The following SULT2A1 variants were observed in gnomAD, a reference collection of about 807,000 sequenced individuals.
SULT2A1 encodes sulfotransferase 2A1.
A neutral mutation model predicts 33.9 loss-of-function variants in SULT2A1; 43 were observed. That is an observed-to-expected ratio of 1.27 (90% CI 1.00 to 1.64). The LOEUF (loss-of-function observed/expected upper bound fraction) is 1.64, where lower values mean the gene tolerates loss of function less well. Among genes scored for constraint, SULT2A1 ranks in the 40% most tolerant of loss-of-function variants. The probability of loss-of-function intolerance (pLI) is 0.00; values close to 1 mark genes in which losing one functional copy is unlikely to be tolerated. For missense variants in SULT2A1, 300 were observed against 335.1 expected (o/e 0.90, Z 0.82); for synonymous variants, 125 against 113.6 (o/e 1.10, Z -0.64).
intron 4 of SULT2A1, among the ~76,000 whole-genome samples, chr19:47,878,360 T>A (rs931979184): frequency 1.3e-5 from 2 of 152,056 alleles, no homozygotes; most frequent in African/African-American, 4.8e-5. Flanking sequence ...TTTTTTCCTT[T>A]GTAGACTGGA....
intron 2 of SULT2A1, 66 bp downstream of exon 2, chr19:47,883,511 T>A (rs1352684060): frequency 6.8e-7 from 1 of 1,476,498 alleles, no homozygotes; most frequent in Middle Eastern, 2.0e-4. Flanking sequence ...GATCTCCAGA[T>A]GACTTATAGG....
intron 3 of SULT2A1, among the ~76,000 whole-genome samples, chr19:47,880,384 C>T (rs905564367): frequency 1.3e-5 from 2 of 151,674 alleles, no homozygotes; most frequent in Non-Finnish European, 2.9e-5. Context: ...TCCTACAACA[C>T]GTGGGGATTA....
rs755073119 is a variant in SULT2A1 at position 47,883,642 on chromosome 19, G to A, written c.280C>T (p.Arg94Cys). ...YTALSETESP[R>C]LFSSHLPIQL... ...ATGGGGAGGTGGGAGGAGAATAAAC[G>A]TGGACTCTCCGTTTCACTGAGTGCT... Residue 94 changes from arginine (R) to cysteine (C), a missense_variant, in exon 2 of 6, where the codon CGT becomes TGT. Transcript: ENST00000222002. 7 of 1,613,890 alleles carry A rather than the reference G, an allele frequency of 4.3e-6. No individual in the cohort carries two copies. The highest frequency in any genetic ancestry group is 2.2e-5 in the East Asian group (1 of 44,884).
intron 5 of SULT2A1, among the ~76,000 whole-genome samples, chr19:47,872,820 G>A (rs1600027609): frequency 6.9e-6 from 1 of 145,912 alleles, no homozygotes; most frequent in Admixed American, 7.0e-5. Flanking sequence ...GTACAGTGTT[G>A]TAATCTCGGC....
At chr19:47,872,222 C>T (rs1381719237) in intron 5 of SULT2A1, among the ~76,000 whole-genome samples, 1 of 152,056 alleles carries the variant, frequency 6.6e-6, no homozygotes, top group Non-Finnish European at 1.5e-5. Flanking sequence ...CCGGCCTGGC[C>T]TCTGCTTTCA....
chr19:47,876,520 G>T (rs568322157), intron 4 of SULT2A1, among the ~76,000 whole-genome samples: 1 of 152,174 alleles, frequency 6.6e-6, no homozygotes, highest in South Asian at 2.1e-4. Context: ...TGTATCTGAG[G>T]TAGCCAACCA....
intron 4 of SULT2A1, among the ~76,000 whole-genome samples, chr19:47,878,041 C>A (rs553486961): frequency 6.6e-6 from 1 of 152,186 alleles, no homozygotes; most frequent in Non-Finnish European, 1.5e-5. Flanking sequence ...TCACTTCTAC[C>A]CAGTCCCATC....
intron 1 of SULT2A1, among the ~76,000 whole-genome samples, chr19:47,885,302 G>A (rs558470960): frequency 6.6e-6 from 1 of 152,244 alleles, no homozygotes; most frequent in East Asian, 1.9e-4. Flanking sequence ...CTATGGACTT[G>A]ATGACTCCAG....
At chr19:47,881,258 AC>A (rs1968600720) in intron 3 of SULT2A1, among the ~76,000 whole-genome samples, 1 of 151,834 alleles carries the variant, frequency 6.6e-6, no homozygotes. Context: ...CTGGTCTCGA[AC>A]TCCTGACCCC....
chr19:47,876,458 A>C (rs543658714), intron 4 of SULT2A1, among the ~76,000 whole-genome samples: 1 of 152,196 alleles, frequency 6.6e-6, no homozygotes, highest in Non-Finnish European at 1.5e-5. Flanking sequence ...AAATAACTAA[A>C]ATAAGTTCAT....
intron 3 of SULT2A1, among the ~76,000 whole-genome samples, chr19:47,881,155 C>T (rs1408116304): frequency 6.6e-6 from 1 of 152,066 alleles, no homozygotes; most frequent in Non-Finnish European, 1.5e-5. Context: ...CGTGCCTCAG[C>T]CTCCTGAGTA....
rs1568641797 is a variant in SULT2A1 at position 47,886,284 on chromosome 19, G to T, written c.-27C>A. The T allele has an allele frequency of 6.2e-7, 1 of 1,613,000 alleles. No individual in the cohort carries two copies. Among genetic ancestry groups the T allele is most frequent in the South Asian group, 1.1e-5 (1 of 90,882 alleles). On this transcript the variant is annotated 5_prime_UTR_variant, in exon 1 of 6. Transcript: ENST00000222002. ...ATGATGACCTCTTCCTGCGTGGTGTGAGGGTTTCAACTGTAGCCACCGCTG... is the reference window on the plus strand; with the variant it reads ...ATGATGACCTCTTCCTGCGTGGTGTTAGGGTTTCAACTGTAGCCACCGCTG...
chr19:47,874,560 A>AT, intron 5 of SULT2A1, 97 bp downstream of exon 5: 38 of 882,258 alleles, frequency 4.3e-5, no homozygotes, highest in Non-Finnish European at 5.0e-5. Flanking sequence ...AAAAAAAAAA[A>AT]GCACTCTTTC....
In SULT2A1 at chr19:47,882,256, T is replaced by G. The variant is rs557699369; in HGVS notation, c.346-46A>C. 7.1e-5 allele frequency: 113 copies of G among 1,585,316 alleles called. No individual in the cohort carries two copies. In the South Asian group the frequency reaches 1.3e-3, roughly 18 times the overall value. On this transcript the variant is annotated intron_variant, in intron 2 of 5. Transcript: ENST00000222002. The stretch of plus-strand genomic sequence containing the variant: ...AATGAAAAATCAATACAGTCAATCC[T>G]CACTCTTTTTGATCTTCACAAAAAT...
intron 2 of SULT2A1, 144 bp downstream of exon 2, chr19:47,883,433 G>C: frequency 1.3e-6 from 1 of 785,310 alleles, no homozygotes; most frequent in Non-Finnish European, 2.1e-6. Context: ...AGCCACATAG[G>C]TGTCACCTAA....
intron 1 of SULT2A1, among the ~76,000 whole-genome samples, chr19:47,884,931 C>T (rs1261550693): frequency 1.3e-5 from 2 of 149,712 alleles, no homozygotes; most frequent in Non-Finnish European, 3.0e-5. Context: ...TCTTGGTCAG[C>T]CTCCCGAGTA....
At chr19:47,884,162 A>AT (rs1555805011) in intron 1 of SULT2A1, among the ~76,000 whole-genome samples, 3 of 144,708 alleles carry the variant, frequency 2.1e-5, no homozygotes, top group South Asian at 2.2e-4. Flanking sequence ...TAATTTTTTT[A>AT]TTATTTATTT....
chr19:47,886,089 A>G (rs764258440), intron 1 of SULT2A1, 33 bp downstream of exon 1: 2 of 1,607,940 alleles, frequency 1.2e-6, no homozygotes, highest in Non-Finnish European at 1.7e-6. Flanking sequence ...ACACAACCAC[A>G]GCCTTTCTCA....
intron 5 of SULT2A1, among the ~76,000 whole-genome samples, chr19:47,873,614 CTTTTTTTTTTTTTTTT>C (rs61271763): frequency 1.6e-5 from 1 of 62,062 alleles, no homozygotes; most frequent in Non-Finnish European, 2.7e-5. Flanking sequence ...GGACAGATCT[CTTTTTTTTTTTTTTTT>C]TTTTTTTTTT....
Sources: gnomAD v4.1 joint callset for allele counts (sites outside exome capture counted in the v4.1 genomes callset) on GRCh38, gnomAD v4.1.1 for gene constraint, MANE v1.5 for transcripts, NCBI Gene and HGNC (gene_info 2026-07-23, HGNC 2026-07-21) for gene names.